SF3B3: variants seen among roughly 807,000 people sequenced by gnomAD.
SF3B3 encodes SAP 130.
SF3B3 carries 33 observed loss-of-function variants against 139.2 expected under a neutral mutation model. That is an observed-to-expected ratio of 0.24 (90% CI 0.18 to 0.32). The LOEUF (loss-of-function observed/expected upper bound fraction) is 0.32. Ranked by LOEUF, SF3B3 falls within the 10% of genes least tolerant of loss-of-function variation. The pLI, the probability that SF3B3 is intolerant of heterozygous loss-of-function variation, is 1.00. For synonymous variants in SF3B3, 596 were observed against 563.6 expected (o/e 1.06, Z -0.81); for missense variants, 818 against 1,509.4 (o/e 0.54, Z 7.59).
chr16:70,562,081 T>A (rs1462116727), intron 17 of SF3B3, among the ~76,000 whole-genome samples: 1 of 152,244 alleles, frequency 6.6e-6, no homozygotes, highest in Admixed American at 6.5e-5. Flanking sequence ...GGATTAGTTT[T>A]AGAGCAAGTA....
Position 70,572,943 on chromosome 16 carries a change from G to C in SF3B3, c.*1130G>C, listed in dbSNP as rs1040505241. On this transcript the variant is annotated 3_prime_UTR_variant, in exon 26 of 26. Coordinates refer to ENST00000302516, the MANE Select transcript of SF3B3 (RefSeq NM_012426.5). ...TTGAACCTGGAGAAGTGAGCTCACT[G>C]TTCTCAATACTTCACAAATGTAAAA... The C allele has an allele frequency of 1.3e-5, 2 of 152,216 alleles. No homozygotes were observed. The highest frequency in any genetic ancestry group is 4.8e-5 in the African/African-American group (2 of 41,448). 9.4% of individuals were successfully genotyped at this position (152,216 alleles called of 1,614,324 possible).
intron 11 of SF3B3, among the ~76,000 whole-genome samples, chr16:70,550,927 A>G (rs2151786939): frequency 6.6e-6 from 1 of 152,378 alleles, no homozygotes; most frequent in Non-Finnish European, 1.5e-5. Flanking sequence ...CTAAGCTAAA[A>G]GAGTCTCTAG....
At chr16:70,557,931 T>G (rs1473726516) in intron 15 of SF3B3, among the ~76,000 whole-genome samples, 1 of 152,218 alleles carries the variant, frequency 6.6e-6, no homozygotes, top group Non-Finnish European at 1.5e-5. Context: ...CATGTTCCAG[T>G]TTTCCCTGTT....
Position 70,561,630 on chromosome 16 carries a change from G to T in SF3B3, c.2134G>T (p.Val712Leu). ...FRVRMQGQEAVLAMSSRSWLS... is the reference protein window; with the variant it reads ...FRVRMQGQEALLAMSSRSWLS... ...AGCTGGGTTTTTTTTTTCCCCTCAG[G>T]TATTGGCCATGTCAAGCCGCTCATG... Residue 712 changes from valine to leucine, a missense_variant and splice_region_variant, in exon 17 of 26, where the codon GTA becomes TTA. By Grantham distance (32) the Val-to-Leu change is conservative. Coordinates refer to ENST00000302516, the MANE Select transcript of SF3B3 (RefSeq NM_012426.5). The T allele has an allele frequency of 6.2e-7, 1 of 1,611,462 alleles. No individual in the cohort carries two copies. Among genetic ancestry groups the T allele is most frequent in the Non-Finnish European group, 8.5e-7 (1 of 1,179,056 alleles).
chr16:70,560,446 C>G (rs771700906), intron 15 of SF3B3, 23 bp from the exon 16 acceptor site: 1 of 1,611,172 alleles, frequency 6.2e-7, no homozygotes, highest in Middle Eastern at 1.7e-4. Flanking sequence ...TCAGGCTTCA[C>G]CTGCTCCTCT....
chr16:70,559,616 G>A (rs1382969143), intron 15 of SF3B3, among the ~76,000 whole-genome samples: 6 of 152,162 alleles, frequency 3.9e-5, no homozygotes, highest in African/African-American at 1.2e-4. Context: ...GAGCCTGGGA[G>A]GTGGAGGCTG....
rs767028940 is a variant in SF3B3, at chr16:70,560,566, G to A, written c.2108G>A (p.Arg703Gln). Residue 703 changes from arginine (R) to glutamine (Q), a missense_variant, in exon 16 of 26, where the codon CGA becomes CAA. Physicochemically the swap from Arg to Gln is conservative, Grantham distance 43 (BLOSUM62 1). Transcript: ENST00000302516. The stretch of plus-strand genomic sequence containing the variant: ...GGGTCCCGTCCTGTGAAGCTCTTCC[G>A]AGTCCGAATGCAAGGCCAGGAGGCA... Reference protein sequence around the residue: ...YLGSRPVKLFRVRMQGQEAVL... With the variant: ...YLGSRPVKLFQVRMQGQEAVL... 3.7e-6 allele frequency: 6 copies of A among 1,613,646 alleles called. No individual in the cohort carries two copies. Among genetic ancestry groups the A allele is most frequent in the East Asian group, 2.2e-5 (1 of 44,840 alleles).
In SF3B3 at chr16:70,561,524, G is replaced by A. The variant is rs376597411; in HGVS notation, c.2134-106G>A. ...CTGTTATATTTCTAGAATATCTTAG[G>A]ATACTCTGCAGACTGAAATTTGGGG... On this transcript the variant is annotated intron_variant, in intron 16 of 25. Transcript: ENST00000302516. 47 of 894,924 alleles carry A rather than the reference G, an allele frequency of 5.3e-5. No individual in the cohort carries two copies. The African/African-American group carries it at 6.7e-4, about 13-fold the overall frequency. The allele number at this position is 894,924 out of a possible 1,614,324, so 55.4% of individuals were successfully genotyped here. A position where few individuals can be genotyped will look rare whatever the true frequency, so the allele number is the denominator to read the frequency against.
In SF3B3 at chr16:70,568,283, C is replaced by T; in HGVS notation, c.2953C>T (p.His985Tyr). 6.2e-7 allele frequency: 1 copy of T among 1,606,738 alleles called. No individual in the cohort carries two copies. The highest frequency in any genetic ancestry group is 8.5e-7 in the Non-Finnish European group (1 of 1,173,372). ...KKLLRKCENK[H>Y]IANYISGIQT... ...TCACTATTGTCTTTGTTTTTCCCAG[C>T]ATATTGCCAATTATATCTCTGGGAT... Residue 985 changes from histidine to tyrosine, a missense_variant and splice_region_variant, in exon 22 of 26, where the codon CAT becomes TAT. This residue lies in a region of SF3B3 where 145 missense variants were observed against 153.6 expected (regional missense o/e 0.94). Coordinates refer to ENST00000302516, the MANE Select transcript of SF3B3 (RefSeq NM_012426.5).
In SF3B3 at chr16:70,529,177, C is replaced by G. The variant is rs1229083659; in HGVS notation, c.375C>G (p.Pro125=). The G allele has an allele frequency of 2.5e-6, 4 of 1,591,088 alleles. No homozygotes were observed. The highest frequency in any genetic ancestry group is 3.4e-6 in the Non-Finnish European group (4 of 1,170,478). The change falls in exon 3 of 26, where the codon CCC becomes CCG. Residue 125 remains proline (P), a synonymous_variant. Transcript: ENST00000302516. The part of the protein sequence containing the change: ...IVPGQFLAVD[P]KGRAVMISAI... ...CTGGCCAGTTCTTAGCTGTGGATCC[C>G]AAAGGGCGAGCCGTTATGATTAGTA... is the stretch of plus-strand genomic sequence containing the variant.
At position 70,570,114 on chromosome 16, in the gene SF3B3, G is replaced by C; in HGVS notation, c.3373G>C (p.Gly1125Arg). The C allele has an allele frequency of 6.2e-7, 1 of 1,614,086 alleles. No individual in the cohort carries two copies. Among genetic ancestry groups the C allele is most frequent in the Non-Finnish European group, 8.5e-7 (1 of 1,180,030 alleles). The change falls in exon 24 of 26, where the codon GGA becomes CGA. Residue 1125 changes from glycine (G) to arginine (R), a missense_variant. By Grantham distance (125) the Gly-to-Arg change is moderately radical. Around this residue, in one of 14 missense-constraint regions of SF3B3, gnomAD observed 91 missense variants for 171.8 expected, o/e 0.53. Coordinates refer to ENST00000302516, the MANE Select transcript of SF3B3 (RefSeq NM_012426.5). ...ESLVYTTLSG[G>R]IGILVPFTSH... The stretch of plus-strand genomic sequence containing the variant: ...ACTTGTCTATACCACCTTGTCTGGA[G>C]GAATTGGCATCCTTGTGCCATTCAC...
chr16:70,561,538 T>G, intron 16 of SF3B3, 92 bp from the exon 17 acceptor site: 1 of 1,093,996 alleles, frequency 9.1e-7, no homozygotes, highest in Non-Finnish European at 1.3e-6. Context: ...CTCTGCAGAC[T>G]GAAATTTGGG....
intron 8 of SF3B3, among the ~76,000 whole-genome samples, chr16:70,540,233 A>G (rs1348918129): frequency 1.3e-5 from 2 of 151,358 alleles, no homozygotes; most frequent in South Asian, 2.1e-4. Flanking sequence ...TGTCTCTACT[A>G]AAAGTACAAA....
At chr16:70,538,105 G>A in intron 6 of SF3B3, 1 of 704,750 alleles carries the variant, frequency 1.4e-6, no homozygotes, top group East Asian at 2.8e-5. Flanking sequence ...GCTGTAGAGT[G>A]GAATTGGGAC....
chr16:70,523,904 T>C lies in SF3B3; in HGVS notation c.-95T>C, dbSNP rs1182461442. 3 of 473,344 alleles carry C rather than the reference T, an allele frequency of 6.3e-6. No homozygotes were observed. In the Admixed American group the frequency reaches 1.2e-4, roughly 19 times the overall value. 29.3% of individuals were successfully genotyped at this position (473,344 alleles called of 1,614,324 possible). On this transcript the variant is annotated 5_prime_UTR_variant, in exon 1 of 26. Coordinates refer to ENST00000302516, the MANE Select transcript of SF3B3 (RefSeq NM_012426.5). Reference sequence around the variant, plus strand: ...GAAGGGAGGTAGCATCCGTTGGATATCCACACCATCCTTCTCGCTGCAGGG... The same window carrying C: ...GAAGGGAGGTAGCATCCGTTGGATACCCACACCATCCTTCTCGCTGCAGGG...
intron 23 of SF3B3, 137 bp from the exon 24 acceptor site, chr16:70,569,869 C>A: frequency 2.2e-6 from 2 of 922,254 alleles, no homozygotes; most frequent in East Asian, 2.7e-5. Context: ...TCAAGCAATC[C>A]TCCCACGTTG....
At chr16:70,541,372 G>C (rs1350767335) in intron 8 of SF3B3, among the ~76,000 whole-genome samples, 1 of 152,102 alleles carries the variant, frequency 6.6e-6, no homozygotes, top group African/African-American at 2.4e-5. Context: ...CTCTCATTTT[G>C]TGGGTTGTCA....
In SF3B3 at chr16:70,556,169, C is replaced by T. The variant is rs772701025; in HGVS notation, c.1711-10C>T. 1.9e-6 allele frequency: 3 copies of T among 1,613,966 alleles called. No individual in the cohort carries two copies. The highest frequency in any genetic ancestry group is 3.3e-5 in the Admixed American group (2 of 59,996). On this transcript the variant is annotated splice_polypyrimidine_tract_variant and intron_variant, in intron 13 of 25. Coordinates refer to ENST00000302516, the MANE Select transcript of SF3B3 (RefSeq NM_012426.5). ...GTAGTTTTGACCTTGCTGTGTCTTT[C>T]CTCCTGTAGTCAGGACAGCTGAATG...
Position 70,535,388 on chromosome 16 carries a change from C to G in SF3B3, c.793C>G (p.Pro265Ala). 1.2e-6 allele frequency: 2 copies of G among 1,608,946 alleles called. No individual in the cohort carries two copies. The highest frequency in any genetic ancestry group is 1.7e-6 in the Non-Finnish European group (2 of 1,176,510). Residue 265 changes from proline to alanine, a missense_variant, in exon 6 of 26, where the codon CCA (proline) becomes GCA (alanine). By Grantham distance (27) the Pro-to-Ala change is conservative. This residue lies in a region of SF3B3 where 80 missense variants were observed against 206.5 expected (regional missense o/e 0.39). Transcript: ENST00000302516. ...TACTTACAAGAACTTTGGTGACCAG[C>G]CAGATATCCGCTGTCCAATTCCCAG... ...YITYKNFGDQ[P>A]DIRCPIPRRR...
Sources: allele counts gnomAD v4.1 joint callset (sites outside exome capture counted in the v4.1 genomes callset), GRCh38; gene constraint gnomAD v4.1.1; regional missense constraint gnomAD v4.1.1; transcripts MANE v1.5; gene names NCBI Gene and HGNC (gene_info 2026-07-23, HGNC 2026-07-21).